The following SH3TC2 variants were observed in gnomAD, a reference collection of about 807,000 sequenced individuals.
SH3TC2 encodes the protein SH3 domain and tetratricopeptide repeat-containing protein 2.
SH3TC2 carries 87 observed loss-of-function variants against 124.5 expected under a neutral mutation model. The observed-to-expected ratio is 0.70, with a 90% CI of 0.59 to 0.84. SH3TC2 has a LOEUF of 0.84. SH3TC2 is among the 40% of genes least tolerant of loss of function. SH3TC2 has a pLI of 0.00. For synonymous variants in SH3TC2, 634 were observed against 628.5 expected (o/e 1.01, Z -0.13); for missense variants, 1,536 against 1,566.4 (o/e 0.98, Z 0.33).
chr5:149,028,212 A>G lies in SH3TC2; in HGVS notation c.1520T>C (p.Phe507Ser). ...TCTTGATGCCTCCAGGTAGGCCACA[A>G]ACTCATCCTCCTCAGAGAAGCTATA... ...SFYSFSEEDE[F>S]VAYLEASRKW... is the part of the protein sequence containing the mutation. Residue 507 changes from phenylalanine to serine, a missense_variant, in exon 11 of 17, where the codon TTT (phenylalanine) becomes TCT (serine). Physicochemically the swap from Phe to Ser is radical, Grantham distance 155. Transcript: ENST00000515425. 1 of 1,614,080 alleles carries G rather than the reference A, an allele frequency of 6.2e-7. No individual in the cohort carries two copies. Among genetic ancestry groups the G allele is most frequent in the African/African-American group, 1.3e-5 (1 of 75,038 alleles).
intron 12 of SH3TC2, among the ~76,000 whole-genome samples, chr5:149,014,127 C>T (rs1200086106): frequency 1.3e-5 from 2 of 152,184 alleles, no homozygotes; most frequent in African/African-American, 2.4e-5. Context: ...CAACCTAGGA[C>T]TTGTCCCATA....
intron 9 of SH3TC2, among the ~76,000 whole-genome samples, chr5:149,029,895 T>C (rs1754153822): frequency 6.6e-6 from 1 of 152,064 alleles, no homozygotes. Flanking sequence ...AGCAGAGAAG[T>C]AACAACTGTC....
At chr5:149,057,986 G>A (rs1287006502) in intron 1 of SH3TC2, among the ~76,000 whole-genome samples, 1 of 152,188 alleles carries the variant, frequency 6.6e-6, no homozygotes, top group Non-Finnish European at 1.5e-5. Context: ...TGGACTAGAA[G>A]CTATGAATAT....
intron 4 of SH3TC2, among the ~76,000 whole-genome samples, chr5:149,043,441 C>G (rs972666196): frequency 6.6e-6 from 1 of 152,168 alleles, no homozygotes; most frequent in Non-Finnish European, 1.5e-5. Flanking sequence ...ACATGAACTA[C>G]TCGTATTGCT....
chr5:149,015,939 A>G (rs1204016182), intron 12 of SH3TC2, among the ~76,000 whole-genome samples: 2 of 152,140 alleles, frequency 1.3e-5, no homozygotes, highest in Admixed American at 6.5e-5. Flanking sequence ...TTCTTAGCCC[A>G]TTTTGCAAAT....
rs747636302 is a variant in SH3TC2, at chr5:149,027,385, C to A, written c.2347G>T (p.Ala783Ser). The A allele has an allele frequency of 1.9e-6, 3 of 1,614,032 alleles. No homozygotes were observed. Among genetic ancestry groups the A allele is most frequent in the Non-Finnish European group, 2.5e-6 (3 of 1,180,030 alleles). The change falls in exon 11 of 17, where the codon GCC becomes TCC. Residue 783 changes from alanine to serine, a missense_variant. Physicochemically the swap from Ala to Ser is moderately conservative, Grantham distance 99 (BLOSUM62 1). Transcript: ENST00000515425. The part of the protein sequence containing the change: ...PDGAIHYLSQ[A>S]LVLGQLLGEQ... ...CCCAGCAGCTGCCCTAGCACCAAGG[C>A]CTGGCTCAGGTAGTGGATGGCACCG...
chr5:149,061,975 T>C (rs1754758498), intron 1 of SH3TC2, among the ~76,000 whole-genome samples: 1 of 152,038 alleles, frequency 6.6e-6, no homozygotes, highest in Non-Finnish European at 1.5e-5. Flanking sequence ...AAGCAGAATA[T>C]GGTTGTTTTG....
intron 1 of SH3TC2, among the ~76,000 whole-genome samples, chr5:149,059,646 CA>C (rs199998586): frequency 0.015 from 1,553 of 103,318 alleles, 13 homozygotes; most frequent in African/African-American, 0.043. Context: ...TAATGTTTAG[CA>C]AAAAAAAAAA....
chr5:149,059,133 G>A (rs1441827617), intron 1 of SH3TC2, among the ~76,000 whole-genome samples: 1 of 151,832 alleles, frequency 6.6e-6, no homozygotes, highest in East Asian at 1.9e-4. Flanking sequence ...AATGAAGGAA[G>A]GGATTTAAAA....
intron 2 of SH3TC2, among the ~76,000 whole-genome samples, chr5:149,050,768 G>A (rs1754542400): frequency 6.6e-6 from 1 of 152,196 alleles, no homozygotes; most frequent in Non-Finnish European, 1.5e-5. Context: ...AACCTGGTAT[G>A]ACATGTATAC....
chr5:149,007,577 C>T, intron 15 of SH3TC2: 1 of 241,806 alleles, frequency 4.1e-6, no homozygotes, highest in South Asian at 6.2e-5. Flanking sequence ...ATCTTGGGTA[C>T]CACCATGTAG....
At chr5:149,019,295 AT>A (rs1753930359) in intron 12 of SH3TC2, among the ~76,000 whole-genome samples, 2 of 151,962 alleles carry the variant, frequency 1.3e-5, no homozygotes, top group East Asian at 1.9e-4. Flanking sequence ...TTGTTCTTGT[AT>A]TTTTTTTAAT....
chr5:149,000,021 T>C lies in SH3TC2; in HGVS notation c.*4690A>G, dbSNP rs1056341310. 6.6e-6 allele frequency among the ~76,000 whole-genome samples: 1 copy of C among 152,114 alleles called. No individual in the cohort carries two copies. Among genetic ancestry groups the C allele is most frequent in the Non-Finnish European group, 1.5e-5 (1 of 68,014 alleles). ...GTCTGCAGTTAGAATTAAGTAAGTGTCCCTTTCAGAACTCAGTTTGGATAT... is the reference window on the plus strand; with the variant it reads ...GTCTGCAGTTAGAATTAAGTAAGTGCCCCTTTCAGAACTCAGTTTGGATAT... On this transcript the variant is annotated 3_prime_UTR_variant, in exon 17 of 17. Coordinates refer to ENST00000515425, the MANE Select transcript of SH3TC2 (RefSeq NM_024577.4).
intron 4 of SH3TC2, chr5:149,043,582 C>A (rs1754407514): frequency 6.6e-6 from 1 of 151,894 alleles, no homozygotes; most frequent in Non-Finnish European, 1.5e-5. Context: ...GCACACAAAT[C>A]ACATGGGGAT....
chr5:149,003,139 G>A lies in SH3TC2; in HGVS notation c.*1572C>T, dbSNP rs1467446017. 6.6e-6 allele frequency: 1 copy of A among 152,206 alleles called. No homozygotes were observed. The highest frequency in any genetic ancestry group is 6.5e-5 in the Admixed American group (1 of 15,274). 9.4% of individuals were successfully genotyped at this position (152,206 alleles called of 1,614,324 possible). On this transcript the variant is annotated 3_prime_UTR_variant, in exon 17 of 17. Coordinates refer to ENST00000515425, the MANE Select transcript of SH3TC2 (RefSeq NM_024577.4). Reference sequence around the variant, plus strand: ...ATCAAAGAACTCAGATACTGTGGTAGGTCACTTCTGAAATGATCCCCAATG... The same window carrying A: ...ATCAAAGAACTCAGATACTGTGGTAAGTCACTTCTGAAATGATCCCCAATG...
Position 149,026,569 on chromosome 5 carries a change from C to T in SH3TC2, c.3053+3G>A, listed in dbSNP as rs1754066222. On this transcript the variant is annotated splice_donor_region_variant and intron_variant, in intron 12 of 16. Coordinates refer to ENST00000515425, the MANE Select transcript of SH3TC2 (RefSeq NM_024577.4). ...TCTAGGACAGTTCCTGACCCTGACT[C>T]ACCTGGCGGTATTTAGGTTCCGATA... The T allele has an allele frequency of 6.2e-7, 1 of 1,613,680 alleles. No individual in the cohort carries two copies. Among genetic ancestry groups the T allele is most frequent in the African/African-American group, 1.3e-5 (1 of 74,930 alleles).
intron 12 of SH3TC2, 136 bp downstream of exon 12, chr5:149,026,436 G>T: frequency 1.0e-6 from 1 of 994,168 alleles, no homozygotes; most frequent in Non-Finnish European, 1.5e-6. Context: ...CATTGTGGTG[G>T]CTGCAGAGCC....
At chr5:149,021,678 CAAGA>C (rs1753971894) in intron 12 of SH3TC2, among the ~76,000 whole-genome samples, 3 of 151,454 alleles carry the variant, frequency 2.0e-5, no homozygotes, top group South Asian at 4.2e-4. Flanking sequence ...GGACAAATTC[CAAGA>C]AAGACAAAAA....
At position 149,027,250 on chromosome 5, in the gene SH3TC2, C is replaced by A; in HGVS notation, c.2482G>T (p.Glu828Ter). Residue 828 changes from glutamate (E) to a stop codon, truncating the protein, a stop_gained, in exon 11 of 17, where the codon GAG becomes TAG. Transcript: ENST00000515425. LOFTEE classifies it high-confidence loss of function. ...CCCCTTTGAGTGAGACTCTCTGTCTCCTTCAGGGAGCATAGCAGTGGCTCA... is the reference window on the plus strand; with the variant it reads ...CCCCTTTGAGTGAGACTCTCTGTCTACTTCAGGGAGCATAGCAGTGGCTCA... ...VLEPLLCSLK[E>*]TESLTQRGVI... 1 of 1,614,186 alleles carries A rather than the reference C, an allele frequency of 6.2e-7. No individual in the cohort carries two copies. Among genetic ancestry groups the A allele is most frequent in the Non-Finnish European group, 8.5e-7 (1 of 1,180,050 alleles).
Sources: allele counts gnomAD v4.1 joint callset (sites outside exome capture counted in the v4.1 genomes callset), GRCh38; gene constraint gnomAD v4.1.1; transcripts MANE v1.5; gene names NCBI Gene and HGNC (gene_info 2026-07-23, HGNC 2026-07-21).